The following FRS2 variants were observed in gnomAD, a reference collection of about 807,000 sequenced individuals.
FRS2 encodes the protein FGFR signalling adaptor.
A neutral mutation model predicts 43.9 loss-of-function variants in FRS2; 8 were observed. That is an observed-to-expected ratio of 0.18 (90% CI 0.11 to 0.33). The LOEUF (loss-of-function observed/expected upper bound fraction) is 0.33. Among genes scored for constraint, FRS2 ranks in the 10% least tolerant of loss-of-function variants. The pLI is 1.00. For missense variants in FRS2, 534 were observed against 627.6 expected (o/e 0.85, Z 1.59); for synonymous variants, 219 against 220.3 (o/e 0.99, Z 0.05).
At chr12:69,473,478 T>C (rs1423768230) in intron 1 of FRS2, among the ~76,000 whole-genome samples, 2 of 152,204 alleles carry the variant, frequency 1.3e-5, no homozygotes, top group Non-Finnish European at 2.9e-5. Flanking sequence ...AAGTTCATTG[T>C]GTACTTGGAG....
chr12:69,472,253 A>ATTT (rs3970803), intron 1 of FRS2, among the ~76,000 whole-genome samples: 6 of 133,318 alleles, frequency 4.5e-5, no homozygotes, highest in African/African-American at 1.1e-4. Context: ...CACCTGGCTA[A>ATTT]TTTTTTTTTT....
intron 3 of FRS2, among the ~76,000 whole-genome samples, chr12:69,560,892 T>C (rs1268655374): frequency 6.6e-6 from 1 of 152,224 alleles, no homozygotes; most frequent in Non-Finnish European, 1.5e-5. Flanking sequence ...TGACTTTTCA[T>C]TGATAGTTAA....
chr12:69,537,470 G>A (rs1427347922), intron 3 of FRS2, among the ~76,000 whole-genome samples: 1 of 151,992 alleles, frequency 6.6e-6, no homozygotes, highest in East Asian at 1.9e-4. Flanking sequence ...TTCTCTGTGT[G>A]TAGAATTCTG....
At chr12:69,538,195 TTTTATATATA>T (rs1260862098) in intron 3 of FRS2, among the ~76,000 whole-genome samples, 17 of 76,876 alleles carry the variant, frequency 2.2e-4, no homozygotes, top group South Asian at 9.2e-4. Context: ...AAAAAACAAA[TTTTATATATA>T]TATATATATA....
intron 3 of FRS2, among the ~76,000 whole-genome samples, chr12:69,541,157 G>A (rs1017572006): frequency 1.3e-5 from 2 of 151,886 alleles, no homozygotes; most frequent in African/African-American, 4.8e-5. Context: ...ATTTTAGATC[G>A]CATCCCACTC....
At chr12:69,510,512 A>G (rs1874357408) in intron 1 of FRS2, among the ~76,000 whole-genome samples, 1 of 152,086 alleles carries the variant, frequency 6.6e-6, no homozygotes, top group South Asian at 2.1e-4. Flanking sequence ...AATCCATCCA[A>G]ATTGATTGAA....
chr12:69,549,507 T>TA, intron 3 of FRS2, among the ~76,000 whole-genome samples: 1 of 152,188 alleles, frequency 6.6e-6, no homozygotes, highest in South Asian at 2.1e-4. Context: ...ATTTTGTTTT[T>TA]AGAGACAACA....
chr12:69,527,278 G>GAATC (rs1204926756), intron 1 of FRS2, among the ~76,000 whole-genome samples: 1 of 143,276 alleles, frequency 7.0e-6, no homozygotes, highest in Non-Finnish European at 1.5e-5. Context: ...GTATAGCAGT[G>GAATC]AATCTTTCTT....
chr12:69,482,944 G>A (rs1871472664), intron 1 of FRS2, among the ~76,000 whole-genome samples: 1 of 152,130 alleles, frequency 6.6e-6, no homozygotes, highest in South Asian at 2.1e-4. Context: ...AAAGCTACAT[G>A]TTACAGGGCT....
intron 1 of FRS2, among the ~76,000 whole-genome samples, chr12:69,486,790 T>C (rs1255498638): frequency 6.6e-6 from 1 of 152,134 alleles, no homozygotes; most frequent in African/African-American, 2.4e-5. Context: ...GAATAGAAGA[T>C]CAAACCAGCC....
chr12:69,485,082 A>AACACACACACACACACACACAC (rs71094716), intron 1 of FRS2, among the ~76,000 whole-genome samples: 76 of 85,328 alleles, frequency 8.9e-4, no homozygotes, highest in African/African-American at 1.8e-3. Flanking sequence ...CTCATCTTAA[A>AACACACACACACACACACACAC]ACACACACAC....
chr12:69,497,233 A>G (rs1392105633), intron 1 of FRS2, among the ~76,000 whole-genome samples: 1 of 152,218 alleles, frequency 6.6e-6, no homozygotes, highest in African/African-American at 2.4e-5. Context: ...CGCTATGAAG[A>G]AAGAGTTGGT....
At chr12:69,479,431 CT>C (rs1187937688) in intron 1 of FRS2, among the ~76,000 whole-genome samples, 1 of 131,608 alleles carries the variant, frequency 7.6e-6, no homozygotes, top group African/African-American at 2.9e-5. Context: ...ACCAGTCTTG[CT>C]CTGTTGCCAG....
At position 69,472,688 on chromosome 12, in the gene FRS2, G is replaced by GCATGCTATTTGCTATGCTATGTTATA. The variant is rs1565707675; in HGVS notation, c.-261+2161_-261+2162insGCTATTTGCTATGCTATGTTATACAT. Among the ~76,000 whole-genome samples, 26 of 152,216 alleles carry GCATGCTATTTGCTATGCTATGTTATA rather than the reference G, an allele frequency of 1.7e-4. No individual in the cohort carries two copies. The East Asian group carries it at 5.0e-3, about 29-fold the overall frequency. ...TGCTATGCATGTTATGCTATGTTAT[G>GCATGCTATTTGCTATGCTATGTTATA]CATAGCATGCTATTTGCTATGCTAT... On this transcript the variant is annotated intron_variant, in intron 1 of 8. Coordinates refer to ENST00000549921, the MANE Select transcript of FRS2 (RefSeq NM_001278356.2).
rs565555270 is a variant in FRS2, at chr12:69,575,084, G to A, written c.*129G>A. 11 of 625,490 alleles carry A rather than the reference G, an allele frequency of 1.8e-5. No homozygotes were observed. The highest frequency in any genetic ancestry group is 4.2e-5 in the South Asian group (2 of 48,026). The allele number at this position is 625,490 out of a possible 1,614,324, so 38.7% of individuals were successfully genotyped here. Reference sequence around the variant, plus strand: ...TAAAATTTTTTTCTGAATATTTCATGTGCATCTTTAACTAAAGGGAATTAA... The same window carrying A: ...TAAAATTTTTTTCTGAATATTTCATATGCATCTTTAACTAAAGGGAATTAA... On this transcript the variant is annotated 3_prime_UTR_variant, in exon 9 of 9. Transcript: ENST00000549921.
chr12:69,527,962 T>G (rs1194908877), intron 1 of FRS2, among the ~76,000 whole-genome samples: 1 of 152,212 alleles, frequency 6.6e-6, no homozygotes, highest in African/African-American at 2.4e-5. Context: ...GATAGACACA[T>G]AACAAATGCT....
chr12:69,504,684 A>T (rs1032202838), intron 1 of FRS2, among the ~76,000 whole-genome samples: 1 of 152,226 alleles, frequency 6.6e-6, no homozygotes, highest in African/African-American at 2.4e-5. Flanking sequence ...TATGCTTTAA[A>T]CATAAAATGT....
chr12:69,538,131 T>C (rs2135691300), intron 3 of FRS2: 1 of 150,252 alleles, frequency 6.7e-6, no homozygotes, highest in African/African-American at 2.5e-5. Context: ...AGAGCCACCT[T>C]TCGTAGCTTT....
chr12:69,566,153 A>G (rs1239627390), intron 4 of FRS2, among the ~76,000 whole-genome samples: 1 of 152,156 alleles, frequency 6.6e-6, no homozygotes, highest in Non-Finnish European at 1.5e-5. Flanking sequence ...TATGTGGCTC[A>G]TGACTGTATA....
Sources: allele counts gnomAD v4.1 joint callset (sites outside exome capture counted in the v4.1 genomes callset), GRCh38; gene constraint gnomAD v4.1.1; transcripts MANE v1.5; gene names NCBI Gene and HGNC (gene_info 2026-07-23, HGNC 2026-07-21).